CPD: variants seen among roughly 807,000 people sequenced by gnomAD.
The protein encoded by CPD is carboxypeptidase D.
In CPD, 69 loss-of-function variants were observed where a neutral mutation model predicts 138.3. The observed-to-expected ratio is 0.50, with a 90% CI of 0.41 to 0.61. CPD has a LOEUF of 0.61. CPD is among the 20% of genes least tolerant of loss of function. CPD has a pLI of 0.00. For synonymous variants in CPD, 651 were observed against 642.1 expected, an observed-to-expected ratio of 1.01 and a Z score of -0.21; for missense variants, 1,432 against 1,733.3, an observed-to-expected ratio of 0.83 and a Z score of 3.09.
chr17:30,427,680 G>T, intron 7 of CPD, 122 bp downstream of exon 7: 1 of 826,970 alleles, frequency 1.2e-6, no homozygotes. Context: ...CTGCTCTTAT[G>T]GCAGACAACA....
chr17:30,385,378 A>G, intron 2 of CPD, 142 bp downstream of exon 2: 2 of 1,036,054 alleles, frequency 1.9e-6, no homozygotes, highest in Non-Finnish European at 2.7e-6. Flanking sequence ...TCAAATCTAC[A>G]GCAAAATTGA....
At chr17:30,459,177 C>CT (rs1491253795) in intron 17 of CPD, among the ~76,000 whole-genome samples, 3 of 75,564 alleles carry the variant, frequency 4.0e-5, no homozygotes, top group Non-Finnish European at 8.0e-5. Flanking sequence ...TTGTTGTTTT[C>CT]CTTTTTTTTA....
At chr17:30,424,574 T>C (rs1416677182) in intron 6 of CPD, among the ~76,000 whole-genome samples, 1 of 152,214 alleles carries the variant, frequency 6.6e-6, no homozygotes, top group East Asian at 1.9e-4. Context: ...TTGGGAACCT[T>C]ATTTCATAAG....
Position 30,421,704 on chromosome 17 carries a change from C to G in CPD, c.1178C>G (p.Thr393Arg). 1 of 1,613,688 alleles carries G rather than the reference C, an allele frequency of 6.2e-7. No individual in the cohort carries two copies. The highest frequency in any genetic ancestry group is 8.5e-7 in the Non-Finnish European group (1 of 1,179,738). Reference sequence around the variant, plus strand: ...AAAGGATTTGTTAAAGATTCCATAACAGGATCTGGGTTAGAGAATGCAACC... The same window carrying G: ...AAAGGATTTGTTAAAGATTCCATAAGAGGATCTGGGTTAGAGAATGCAACC... ...GVKGFVKDSI[T>R]GSGLENATIS... The change falls in exon 4 of 21, where the codon ACA (threonine) becomes AGA (arginine). Residue 393 changes from threonine (T) to arginine (R), a missense_variant. Thr to Arg is a moderately conservative substitution (Grantham distance 71). Transcript: ENST00000225719.
At chr17:30,425,617 C>T (rs900617687) in intron 6 of CPD, among the ~76,000 whole-genome samples, 1 of 146,904 alleles carries the variant, frequency 6.8e-6, no homozygotes, top group African/African-American at 2.5e-5. Context: ...GATGGCGCCA[C>T]TGCACTACAG....
At chr17:30,457,975 C>T (rs1160547491) in intron 17 of CPD, among the ~76,000 whole-genome samples, 1 of 151,960 alleles carries the variant, frequency 6.6e-6, no homozygotes, top group Non-Finnish European at 1.5e-5. Context: ...GGAGGATCAC[C>T]TGAGGTCAGG....
rs548823517 is a variant in CPD, at chr17:30,379,686, C to T, written c.706C>T (p.Pro236Ser). ...TGEPPALDEV[P>S]EVRALIEWIR... is the part of the protein sequence containing the mutation. ...CGAACCCCCCGCCCTGGACGAGGTGCCCGAGGTGCGCGCCCTCATCGAGTG... is the reference window on the plus strand; with the variant it reads ...CGAACCCCCCGCCCTGGACGAGGTGTCCGAGGTGCGCGCCCTCATCGAGTG... The change falls in exon 1 of 21, where the codon CCC becomes TCC. Residue 236 changes from proline to serine, a missense_variant. Physicochemically the swap from Pro to Ser is moderately conservative, Grantham distance 74. This residue lies in a region of CPD where 484 missense variants were observed against 477.2 expected (regional missense o/e 1.01). Coordinates refer to ENST00000225719, the MANE Select transcript of CPD (RefSeq NM_001304.5). The surrounding 1 kb of genome is among the most constrained non-coding windows in gnomAD (Gnocchi z 7.0). 26 of 1,517,616 alleles carry T rather than the reference C, an allele frequency of 1.7e-5. No homozygotes were observed. The highest frequency in any genetic ancestry group is 2.6e-5 in the East Asian group (1 of 38,462). The allele number at this position is 1,517,616 out of a possible 1,614,324, so 94.0% of individuals were successfully genotyped here. A position where few individuals can be genotyped will look rare whatever the true frequency, so the allele number is the denominator to read the frequency against.
intron 2 of CPD, among the ~76,000 whole-genome samples, chr17:30,399,371 G>A (rs182220396): frequency 1.3e-4 from 20 of 152,196 alleles, no homozygotes; most frequent in Admixed American, 1.1e-3. Flanking sequence ...TCTATCCTTT[G>A]CTGATTGTCT....
intron 2 of CPD, among the ~76,000 whole-genome samples, chr17:30,398,014 CAA>C (rs199680962): frequency 4.3e-5 from 4 of 93,840 alleles, no homozygotes; most frequent in Admixed American, 1.1e-4. Flanking sequence ...ACTGTCTCTA[CAA>C]AAAAAAAAAA....
chr17:30,408,727 T>C (rs907905791), intron 2 of CPD, among the ~76,000 whole-genome samples: 1 of 152,206 alleles, frequency 6.6e-6, no homozygotes, highest in African/African-American at 2.4e-5. Context: ...TGGAGTTTTC[T>C]AAATATACAG....
intron 2 of CPD, among the ~76,000 whole-genome samples, chr17:30,396,292 C>T (rs1248391171): frequency 1.3e-5 from 2 of 151,914 alleles, no homozygotes; most frequent in African/African-American, 4.8e-5. Flanking sequence ...TTTAAAAAAA[C>T]ACATTGTAGT....
At chr17:30,406,554 G>A (rs751722813) in intron 2 of CPD, among the ~76,000 whole-genome samples, 1 of 152,084 alleles carries the variant, frequency 6.6e-6, no homozygotes, top group African/African-American at 2.4e-5. Context: ...ACTCTAAAAT[G>A]TTACTGTAAA....
chr17:30,461,369 T>G, intron 18 of CPD, 58 bp downstream of exon 18: 1 of 1,338,342 alleles, frequency 7.5e-7, no homozygotes, highest in Non-Finnish European at 9.8e-7. Context: ...AGTGAAAACC[T>G]TTATCAAAAC....
chr17:30,435,979 A>T (rs1041033945), intron 8 of CPD, among the ~76,000 whole-genome samples: 26 of 152,170 alleles, frequency 1.7e-4, no homozygotes, highest in African/African-American at 6.0e-4. Flanking sequence ...TTGTACAAGG[A>T]CACCGTCATA....
chr17:30,463,264 A>G (rs1330776947), intron 20 of CPD, among the ~76,000 whole-genome samples: 1 of 152,156 alleles, frequency 6.6e-6, no homozygotes, highest in Non-Finnish European at 1.5e-5. Flanking sequence ...GCTTTTTTTC[A>G]TTATAGCACT....
chr17:30,383,493 A>G (rs1189230175), intron 1 of CPD, among the ~76,000 whole-genome samples: 3 of 152,200 alleles, frequency 2.0e-5, no homozygotes, highest in Non-Finnish European at 4.4e-5. Context: ...TGCCATTGCC[A>G]CTACACCAAA....
Position 30,385,160 on chromosome 17 carries a change from G to A in CPD, c.918G>A (p.Glu306=). 6.2e-7 allele frequency: 1 copy of A among 1,614,036 alleles called. No individual in the cohort carries two copies. The highest frequency in any genetic ancestry group is 8.5e-7 in the Non-Finnish European group (1 of 1,179,970). Reference sequence around the variant, plus strand: ...ACCACCCCATAATGAAAACTGGTGAGCCTCATTGTCCAGGAGATGAAGACG... The same window carrying A: ...ACCACCCCATAATGAAAACTGGTGAACCTCATTGTCCAGGAGATGAAGACG... ...ASNHPIMKTG[E]PHCPGDEDET... The change falls in exon 2 of 21, where the codon GAG becomes GAA. Residue 306 remains glutamate (E), a synonymous_variant. Coordinates refer to ENST00000225719, the MANE Select transcript of CPD (RefSeq NM_001304.5).
chr17:30,422,601 C>T, intron 4 of CPD, 73 bp from the exon 5 acceptor site: 1 of 956,614 alleles, frequency 1.0e-6, no homozygotes, highest in Non-Finnish European at 1.6e-6. Context: ...GAAAAGGCTA[C>T]TGTGCTTTTA....
At chr17:30,462,144 A>G in intron 19 of CPD, 82 bp downstream of exon 19, 1 of 1,289,372 alleles carries the variant, frequency 7.8e-7, no homozygotes, top group Non-Finnish European at 1.1e-6. Flanking sequence ...TCTTGTTAGA[A>G]ATCTTGAAGG....
Sources: gnomAD v4.1 joint callset for allele counts (sites outside exome capture counted in the v4.1 genomes callset) on GRCh38, gnomAD v4.1.1 for gene constraint, gnomAD v4.1.1 regional missense constraint, Gnocchi (gnomAD v3.1) non-coding constraint, MANE v1.5 for transcripts, NCBI Gene and HGNC (gene_info 2026-07-23, HGNC 2026-07-21) for gene names.